Variants in SCP2 observed in about 807,000 individuals in gnomAD.
SCP2 encodes the protein SCP-2/3-oxoacyl-CoA thiolase.
A neutral mutation model predicts 71.4 loss-of-function variants in SCP2; 48 were observed. That is an observed-to-expected ratio of 0.67 (90% CI 0.53 to 0.86). The LOEUF is 0.86. Among genes scored for constraint, SCP2 ranks in the 40% least tolerant of loss-of-function variants. The pLI, the probability that SCP2 is intolerant of heterozygous loss-of-function variation, is 0.00. For synonymous variants in SCP2, 220 were observed against 218.1 expected (o/e 1.01, Z -0.08); for missense variants, 560 against 655.6 (o/e 0.85, Z 1.59).
At chr1:52,989,084 C>T (rs1051885459) in intron 11 of SCP2, among the ~76,000 whole-genome samples, 2 of 152,218 alleles carry the variant, frequency 1.3e-5, no homozygotes, top group African/African-American at 4.8e-5. Context: ...TATCTATTTA[C>T]CTTCTCCTAT....
At position 53,011,282 on chromosome 1, in the gene SCP2, C is replaced by T. The variant is rs150029289; in HGVS notation, c.1082-3608C>T. Among the ~76,000 whole-genome samples the T allele has an allele frequency of 1.8e-3, 271 of 152,228 alleles. 1 individual carries two copies. Among genetic ancestry groups the T allele is most frequent in the South Asian group, 3.3e-3 (16 of 4,818 alleles). Reference sequence around the variant, plus strand: ...TCTTGATAGTATAGGAAGGTTTATACGTTCAAGGAGAAGGAGGAAAAGACC... The same window carrying T: ...TCTTGATAGTATAGGAAGGTTTATATGTTCAAGGAGAAGGAGGAAAAGACC... On this transcript the variant is annotated intron_variant, in intron 11 of 15. Transcript: ENST00000371514.
At chr1:53,037,006 C>T (rs527336657) in intron 13 of SCP2, among the ~76,000 whole-genome samples, 10 of 151,842 alleles carry the variant, frequency 6.6e-5, no homozygotes, top group Non-Finnish European at 1.2e-4. Context: ...AGCATGGTGG[C>T]GTGTGCTGTA....
chr1:52,934,992 C>A (rs1653575036), intron 1 of SCP2: 2 of 145,938 alleles, frequency 1.4e-5, no homozygotes, highest in African/African-American at 5.0e-5. Flanking sequence ...GGCCCGGGAG[C>A]GGTGGCTCAC....
chr1:53,000,098 C>T (rs1241233417), intron 11 of SCP2, among the ~76,000 whole-genome samples: 2 of 151,874 alleles, frequency 1.3e-5, no homozygotes, highest in Non-Finnish European at 2.9e-5. Flanking sequence ...TGAGCTGTCA[C>T]ACCCGGCCTG....
intron 1 of SCP2, among the ~76,000 whole-genome samples, chr1:52,935,261 C>T (rs1325610416): frequency 6.6e-6 from 1 of 150,448 alleles, no homozygotes; most frequent in African/African-American, 2.4e-5. Flanking sequence ...AGCAAAACTC[C>T]GTTTCAAAAA....
At chr1:52,957,977 A>C (rs1417213947) in intron 5 of SCP2, among the ~76,000 whole-genome samples, 2 of 152,162 alleles carry the variant, frequency 1.3e-5, no homozygotes, top group Non-Finnish European at 2.9e-5. Context: ...GCCTGGATTC[A>C]TTATTTTCAT....
chr1:53,020,423 G>A (rs1661638474), intron 12 of SCP2, among the ~76,000 whole-genome samples: 1 of 151,648 alleles, frequency 6.6e-6, no homozygotes, highest in Non-Finnish European at 1.5e-5. Context: ...TTCTCTAGTT[G>A]TGTCACTGGT....
intron 12 of SCP2, among the ~76,000 whole-genome samples, chr1:53,020,499 A>G (rs1470810780): frequency 6.6e-6 from 1 of 151,940 alleles, no homozygotes; most frequent in Non-Finnish European, 1.5e-5. Flanking sequence ...GGGTTTTGCT[A>G]TGTTGCCCAG....
At chr1:52,931,617 G>T (rs75667442) in intron 1 of SCP2, among the ~76,000 whole-genome samples, 1 of 152,174 alleles carries the variant, frequency 6.6e-6, no homozygotes, top group South Asian at 2.1e-4. Flanking sequence ...AAATTATTTG[G>T]AATGGCTGCA....
At chr1:52,989,076 T>A (rs1659245246) in intron 11 of SCP2, among the ~76,000 whole-genome samples, 1 of 152,238 alleles carries the variant, frequency 6.6e-6, no homozygotes, top group Non-Finnish European at 1.5e-5. Context: ...CAGCTGCCTA[T>A]CTATTTACCT....
In SCP2 at chr1:53,047,929, C is replaced by A. The variant is rs1224940180; in HGVS notation, c.1540C>A (p.Pro514Thr). ...FLALMTGKMN[P>T]QSAFFQGKLK... is the part of the protein sequence containing the mutation. ...GGCTTTAATGACTGGTAAAATGAAT[C>A]CTCAGTCGGTAAGTATGATGGAGCT... The change falls in exon 15 of 16, where the codon CCT becomes ACT. Residue 514 changes from proline (P) to threonine (T), a missense_variant. Pro to Thr is a conservative substitution (Grantham distance 38). Coordinates refer to ENST00000371514, the MANE Select transcript of SCP2 (RefSeq NM_002979.5). 1.9e-6 allele frequency: 3 copies of A among 1,609,248 alleles called. No individual in the cohort carries two copies. Among genetic ancestry groups the A allele is most frequent in the Non-Finnish European group, 2.6e-6 (3 of 1,175,626 alleles).
chr1:53,002,659 C>T (rs372970223), intron 11 of SCP2, among the ~76,000 whole-genome samples: 5 of 152,240 alleles, frequency 3.3e-5, no homozygotes, highest in African/African-American at 7.2e-5. Context: ...ATCTCCTGTG[C>T]GAAGTAATTA....
At chr1:53,005,443 A>C (rs1290168065) in intron 11 of SCP2, among the ~76,000 whole-genome samples, 1 of 152,232 alleles carries the variant, frequency 6.6e-6, no homozygotes, top group Non-Finnish European at 1.5e-5. Context: ...AGGATCAGGC[A>C]GCAACATTTG....
At position 53,051,090 on chromosome 1, in the gene SCP2, A is replaced by T. The variant is rs182947399; in HGVS notation, c.*386A>T. On this transcript the variant is annotated 3_prime_UTR_variant, in exon 16 of 16. Transcript: ENST00000371514. Reference sequence around the variant, plus strand: ...ATTCAGTTTAAGAGTTTTCCTTGGGAGAACTAAGTAAGAAACACAATGCCA... The same window carrying T: ...ATTCAGTTTAAGAGTTTTCCTTGGGTGAACTAAGTAAGAAACACAATGCCA... 1.3e-3 allele frequency: 207 copies of T among 164,626 alleles called. No homozygotes were observed. Among genetic ancestry groups the T allele is most frequent in the Non-Finnish European group, 2.0e-3 (153 of 75,346 alleles). 10.2% of individuals were successfully genotyped at this position (164,626 alleles called of 1,614,324 possible). A position where few individuals can be genotyped will look rare whatever the true frequency, so the allele number is the denominator to read the frequency against.
intron 11 of SCP2, among the ~76,000 whole-genome samples, chr1:52,990,211 A>G (rs764596042): frequency 1.1e-4 from 16 of 152,200 alleles, no homozygotes; most frequent in Non-Finnish European, 2.1e-4. Flanking sequence ...ACAAACTGGG[A>G]AAGAGGAGGA....
intron 10 of SCP2, among the ~76,000 whole-genome samples, chr1:52,986,572 C>T (rs1159047411): frequency 5.3e-5 from 8 of 152,104 alleles, no homozygotes; most frequent in Non-Finnish European, 8.8e-5. Context: ...TTTTTGAAGG[C>T]AATATAATAT....
intron 11 of SCP2, among the ~76,000 whole-genome samples, chr1:52,990,268 C>CAA (rs397744209): frequency 0.01 from 1,488 of 144,390 alleles, 32 homozygotes; most frequent in African/African-American, 0.038. Context: ...CAGTTTTCAA[C>CAA]AAAAAAAAAG....
rs192522379 is a variant in SCP2, at chr1:52,998,497, G to A, written c.1081+10361G>A. 9.2e-5 allele frequency among the ~76,000 whole-genome samples: 14 copies of A among 152,272 alleles called. No homozygotes were observed. The Middle Eastern group carries it at 0.01, about 111-fold the overall frequency. On this transcript the variant is annotated intron_variant, in intron 11 of 15. Coordinates refer to ENST00000371514, the MANE Select transcript of SCP2 (RefSeq NM_002979.5). The stretch of plus-strand genomic sequence containing the variant: ...TGTAGTCTCAGCTACCCAAGAGGCC[G>A]AGGTAGGGGGATTGCTTGAGCCCAG...
intron 6 of SCP2, among the ~76,000 whole-genome samples, chr1:52,965,808 T>C (rs2150149751): frequency 6.7e-6 from 1 of 150,282 alleles, no homozygotes; most frequent in Non-Finnish European, 1.5e-5. Context: ...CTAATTTTTG[T>C]AGTTTTTTTT....
Sources: allele counts gnomAD v4.1 joint callset (sites outside exome capture counted in the v4.1 genomes callset), GRCh38; gene constraint gnomAD v4.1.1; transcripts MANE v1.5; gene names NCBI Gene and HGNC (gene_info 2026-07-23, HGNC 2026-07-21).